EFTUD2: variants seen among roughly 807,000 people sequenced by gnomAD.
EFTUD2 encodes elongation factor Tu GTP binding domain containing 2.
A neutral mutation model predicts 114.3 loss-of-function variants in EFTUD2; 9 were observed. That is an observed-to-expected ratio of 0.08 (90% CI 0.05 to 0.14). EFTUD2 has a LOEUF of 0.14. Among genes scored for constraint, EFTUD2 ranks in the 10% least tolerant of loss-of-function variants. The pLI, the probability that EFTUD2 is intolerant of heterozygous loss-of-function variation, is 1.00. For synonymous variants in EFTUD2, 449 were observed against 462.3 expected, an observed-to-expected ratio of 0.97 and a Z score of 0.37; for missense variants, 765 against 1,241.2, an observed-to-expected ratio of 0.62 and a Z score of 5.76.
intron 20 of EFTUD2, 146 bp downstream of exon 20, chr17:44,856,929 G>A (rs948065615): frequency 4.8e-5 from 30 of 624,294 alleles, no homozygotes; most frequent in African/African-American, 3.3e-4. Context: ...GGGCTGGAGT[G>A]AAACTCAAGT....
At chr17:44,851,875 A>G (rs2050458925) in intron 26 of EFTUD2, 58 bp from the exon 27 acceptor site, 1 of 1,433,368 alleles carries the variant, frequency 7.0e-7, no homozygotes, top group Admixed American at 2.2e-5. Flanking sequence ...ATTCAGGCCC[A>G]GAAGCAGGAC....
At chr17:44,875,548 T>G (rs2145514931) in intron 10 of EFTUD2, 1 of 152,610 alleles carries the variant, frequency 6.6e-6, no homozygotes, top group African/African-American at 2.4e-5. Context: ...ATAAATTAAT[T>G]AATTTAAAAA....
Position 44,850,941 on chromosome 17 carries a change from C to T in EFTUD2, c.*333G>A. On this transcript the variant is annotated 3_prime_UTR_variant, in exon 28 of 28. Transcript: ENST00000426333. ...CAGAATGTTCTGTTCACTTGCAAAC[C>T]ATGGCTAAGGTCAAACTTGTAGAAA... 1 of 328,228 alleles carries T rather than the reference C, an allele frequency of 3.0e-6. No individual in the cohort carries two copies. The highest frequency in any genetic ancestry group is 5.8e-6 in the Non-Finnish European group (1 of 172,856). 20.3% of individuals were successfully genotyped at this position (328,228 alleles called of 1,614,324 possible). A position where few individuals can be genotyped will look rare whatever the true frequency, so the allele number is the denominator to read the frequency against.
chr17:44,895,944 T>C (rs2051376333), intron 1 of EFTUD2: 1 of 152,252 alleles, frequency 6.6e-6, no homozygotes, highest in African/African-American at 2.4e-5. Flanking sequence ...AGGACTGTCA[T>C]GAAATCCTTA....
At position 44,853,622 on chromosome 17, in the gene EFTUD2, G is replaced by T; in HGVS notation, c.2361C>A (p.Val787=). ...GPLCDELIRN[V]KFKILDAVVA... ...CCACCGCATCCAGGATCTTAAACTT[G>T]ACATTCCGAATCACTGTAAAGGAGG... The change falls in exon 24 of 28, where the codon GTC becomes GTA. Residue 787 remains valine, a synonymous_variant. Coordinates refer to ENST00000426333, the MANE Select transcript of EFTUD2 (RefSeq NM_004247.4). The T allele has an allele frequency of 6.2e-7, 1 of 1,614,142 alleles. No individual in the cohort carries two copies. The highest frequency in any genetic ancestry group is 1.1e-5 in the South Asian group (1 of 91,078).
At chr17:44,853,435 G>A in intron 24 of EFTUD2, 45 bp from the exon 25 acceptor site, 2 of 1,611,510 alleles carry the variant, frequency 1.2e-6, no homozygotes, top group Admixed American at 1.7e-5. Context: ...GGGGAAGGCT[G>A]GGGGCCTATA....
chr17:44,872,453 G>T lies in EFTUD2; in HGVS notation c.987C>A (p.Asp329Glu), dbSNP rs1213002194. 1.4e-5 allele frequency: 22 copies of T among 1,612,800 alleles called. No homozygotes were observed. Among genetic ancestry groups the T allele is most frequent in the Non-Finnish European group, 1.8e-5 (21 of 1,179,194 alleles). Residue 329 changes from aspartate (D) to glutamate (E), a missense_variant, in exon 11 of 28, where the codon GAC (aspartate) becomes GAA (glutamate). By Grantham distance (45) the Asp-to-Glu change is conservative. Around this residue, in one of 6 missense-constraint regions of EFTUD2, gnomAD observed 251 missense variants for 357.7 expected, o/e 0.70. Coordinates refer to ENST00000426333, the MANE Select transcript of EFTUD2 (RefSeq NM_004247.4). ...CTGCCAGCCAGCGCTTACCAAAGGT[G>T]TCGGCATAGATCTTGGCAAAGGAGC... ...TLGSFAKIYA[D>E]TFGDINYQEF...
chr17:44,883,138 T>C lies in EFTUD2; in HGVS notation c.447A>G (p.Leu149=), dbSNP rs2051103300. 6.2e-7 allele frequency: 1 copy of C among 1,613,988 alleles called. No individual in the cohort carries two copies. The highest frequency in any genetic ancestry group is 1.3e-5 in the African/African-American group (1 of 74,902). ...HHGKTCFVDC[L]IEQTHPEIRK... Reference sequence around the variant, plus strand: ...TGATTTCCGGGTGAGTCTGTTCAATTAAACAATCCACAAAACATGTCTAAA... The same window carrying C: ...TGATTTCCGGGTGAGTCTGTTCAATCAAACAATCCACAAAACATGTCTAAA... The change falls in exon 6 of 28, where the codon TTA becomes TTG. Residue 149 remains leucine, a synonymous_variant. Coordinates refer to ENST00000426333, the MANE Select transcript of EFTUD2 (RefSeq NM_004247.4).
chr17:44,870,967 G>A (rs1292827634), intron 11 of EFTUD2, among the ~76,000 whole-genome samples: 3 of 151,934 alleles, frequency 2.0e-5, no homozygotes, highest in South Asian at 2.1e-4. Flanking sequence ...GCAGTGAGCC[G>A]AGATCGTGCC....
Position 44,863,705 on chromosome 17 carries a change from C to G in EFTUD2, c.1363G>C (p.Gly455Arg). The G allele has an allele frequency of 1.9e-6, 3 of 1,614,150 alleles. No individual in the cohort carries two copies. Among genetic ancestry groups the G allele is most frequent in the Non-Finnish European group, 2.5e-6 (3 of 1,180,000 alleles). ...TCGCCGAGGTCGGAGTCCACACCACCGGTGTAGGTGTGCTCAATCTTGGGC... is the reference window on the plus strand; with the variant it reads ...TCGCCGAGGTCGGAGTCCACACCACGGGTGTAGGTGTGCTCAATCTTGGGC... Reference protein sequence around the residue: ...AKPKIEHTYTGGVDSDLGEAM... With the variant: ...AKPKIEHTYTRGVDSDLGEAM... Residue 455 changes from glycine to arginine, a missense_variant, in exon 15 of 28, where the codon GGT becomes CGT. Physicochemically the swap from Gly to Arg is moderately radical, Grantham distance 125. Transcript: ENST00000426333.
At chr17:44,883,422 A>T (rs1239736984) in intron 5 of EFTUD2, 1 of 610,088 alleles carries the variant, frequency 1.6e-6, no homozygotes, top group Non-Finnish European at 2.9e-6. Flanking sequence ...TTCTGTCCAG[A>T]TGTAGACATA....
chr17:44,855,901 G>A (rs1413415773), intron 20 of EFTUD2, among the ~76,000 whole-genome samples: 2 of 150,986 alleles, frequency 1.3e-5, no homozygotes, highest in Admixed American at 1.3e-4. Context: ...CCAGTGAGCT[G>A]AGATCGAGCC....
At chr17:44,897,567 AT>A (rs984606154) in intron 1 of EFTUD2, among the ~76,000 whole-genome samples, 7 of 152,046 alleles carry the variant, frequency 4.6e-5, no homozygotes, top group African/African-American at 1.7e-4. Flanking sequence ...TTACATTTTT[AT>A]TTTTTTATTT....
chr17:44,893,774 G>T (rs942595798), intron 2 of EFTUD2, among the ~76,000 whole-genome samples: 52 of 128,680 alleles, frequency 4.0e-4, no homozygotes, highest in East Asian at 8.2e-4. Context: ...AGGTGGGGGG[G>T]GGGGTGGGGG....
chr17:44,879,582 C>G lies in EFTUD2; in HGVS notation c.676G>C (p.Val226Leu). The G allele has an allele frequency of 6.2e-7, 1 of 1,613,972 alleles. No individual in the cohort carries two copies. The highest frequency in any genetic ancestry group is 8.5e-7 in the Non-Finnish European group (1 of 1,179,946). ...CCCTCAGCAGCATCAATGAAAAGGACCACTCCATCTGAGATGCGCAAGCCA... is the reference window on the plus strand; with the variant it reads ...CCCTCAGCAGCATCAATGAAAAGGAGCACTCCATCTGAGATGCGCAAGCCA... Reference protein sequence around the residue: ...TAGLRISDGVVLFIDAAEGVM... With the variant: ...TAGLRISDGVLLFIDAAEGVM... The change falls in exon 9 of 28, where the codon GTC (valine) becomes CTC (leucine). Residue 226 changes from valine (V) to leucine (L), a missense_variant. Val to Leu is a conservative substitution (Grantham distance 32). This residue lies in a region of EFTUD2 where 251 missense variants were observed against 357.7 expected (regional missense o/e 0.70). Coordinates refer to ENST00000426333, the MANE Select transcript of EFTUD2 (RefSeq NM_004247.4).
chr17:44,871,027 A>G (rs945668990), intron 11 of EFTUD2, among the ~76,000 whole-genome samples: 2 of 151,488 alleles, frequency 1.3e-5, no homozygotes, highest in African/African-American at 4.9e-5. Flanking sequence ...CAAAAAAAAA[A>G]GAAAAAGAAC....
Position 44,859,977 on chromosome 17 carries a change from G to A in EFTUD2, c.1788C>T (p.Asn596=), listed in dbSNP as rs777613086. The change falls in exon 18 of 28, where the codon AAC becomes AAT. Residue 596 remains asparagine, a synonymous_variant. Coordinates refer to ENST00000426333, the MANE Select transcript of EFTUD2 (RefSeq NM_004247.4). ...CAAGCATCTTGGGCAGCTCTGAGGG[G>A]TTGACTGGCTCCACAGCAATCTTGA... ...SVIKIAVEPV[N]PSELPKMLDG... The A allele has an allele frequency of 3.1e-6, 5 of 1,614,086 alleles. No homozygotes were observed. Among genetic ancestry groups the A allele is most frequent in the Non-Finnish European group, 4.2e-6 (5 of 1,180,054 alleles).
At chr17:44,863,820 TC>T in intron 14 of EFTUD2, 38 bp from the exon 15 acceptor site, 1 of 1,609,176 alleles carries the variant, frequency 6.2e-7, no homozygotes, top group South Asian at 1.1e-5. Context: ...ATACATGCCT[TC>T]CCAGGGAGCA....
intron 1 of EFTUD2, among the ~76,000 whole-genome samples, chr17:44,896,413 C>T (rs1440004317): frequency 6.6e-6 from 1 of 151,940 alleles, no homozygotes; most frequent in African/African-American, 2.4e-5. Context: ...TTTGGCAGGC[C>T]AAGATGGGCG....
Sources: gnomAD v4.1 joint callset for allele counts (sites outside exome capture counted in the v4.1 genomes callset) on GRCh38, gnomAD v4.1.1 for gene constraint, gnomAD v4.1.1 regional missense constraint, MANE v1.5 for transcripts, NCBI Gene and HGNC (gene_info 2026-07-23, HGNC 2026-07-21) for gene names.